Variants in BRAF observed in about 807,000 individuals in gnomAD.
BRAF encodes the protein serine/threonine-protein kinase B-raf.
Under a neutral mutation model 104.6 loss-of-function variants are expected in BRAF, and 16 were observed. The ratio of observed to expected loss-of-function variants is 0.15; its 90% CI spans 0.10 to 0.23. BRAF has a LOEUF of 0.23. BRAF is among the 10% of genes least tolerant of loss of function. BRAF has a pLI of 1.00. For missense variants in BRAF, 541 were observed against 937.3 expected (o/e 0.58, Z 5.52); for synonymous variants, 310 against 341.6 (o/e 0.91, Z 1.02).
At chr7:140,739,220 C>T (rs1046142157) in intron 18 of BRAF, among the ~76,000 whole-genome samples, 2 of 151,960 alleles carry the variant, frequency 1.3e-5, no homozygotes, top group Non-Finnish European at 2.9e-5. Flanking sequence ...ATATCATTTG[C>T]CTTTTTTACT....
intron 1 of BRAF, among the ~76,000 whole-genome samples, chr7:140,880,112 C>A (rs1167740070): frequency 6.6e-6 from 1 of 152,148 alleles, no homozygotes; most frequent in Non-Finnish European, 1.5e-5. Flanking sequence ...CTGAACCAGG[C>A]AATATGGTCT....
intron 17 of BRAF, among the ~76,000 whole-genome samples, chr7:140,743,026 T>C (rs2130917888): frequency 6.6e-6 from 1 of 152,158 alleles, no homozygotes; most frequent in East Asian, 1.9e-4. Context: ...TAACGACATA[T>C]CATCTCACAC....
chr7:140,739,766 A>T (rs376554544), intron 18 of BRAF, 46 bp downstream of exon 17: 1 of 1,608,720 alleles, frequency 6.2e-7, no homozygotes, highest in South Asian at 1.1e-5. Flanking sequence ...AAATCTGTCT[A>T]TGAATGTTAG....
intron 17 of BRAF, chr7:140,740,445 G>C (rs1184630157): frequency 6.6e-6 from 1 of 152,668 alleles, no homozygotes. Context: ...ATACAAACCA[G>C]AGCCTCCGCC....
chr7:140,729,937 A>C (rs916545968), intron 19 of BRAF, among the ~76,000 whole-genome samples: 1 of 152,200 alleles, frequency 6.6e-6, no homozygotes. Context: ...AGCAAACACT[A>C]TCACTCTATC....
In BRAF at chr7:140,774,552, C is replaced by T. The variant is rs548569224; in HGVS notation, c.1814+2360G>A. 1.2e-4 allele frequency among the ~76,000 whole-genome samples: 19 copies of T among 152,302 alleles called. No individual in the cohort carries two copies. The South Asian group carries it at 3.9e-3, about 32-fold the overall frequency. On this transcript the variant is annotated intron_variant, in intron 14 of 19. Transcript: ENST00000644969. The stretch of plus-strand genomic sequence containing the variant: ...GTTTGTTTTGGGACAGGGTCTCGCT[C>T]TGTTACCCAGGCTGGATGCAGTGGC...
intron 1 of BRAF, among the ~76,000 whole-genome samples, chr7:140,866,397 T>C (rs773444646): frequency 9.2e-5 from 14 of 152,206 alleles, no homozygotes; most frequent in Non-Finnish European, 2.1e-4. Context: ...TGGGAAACAC[T>C]GTCACAAATA....
chr7:140,729,742 C>G (rs1478527084), intron 19 of BRAF, among the ~76,000 whole-genome samples: 2 of 152,164 alleles, frequency 1.3e-5, no homozygotes, highest in Non-Finnish European at 2.9e-5. Context: ...CACACCACTG[C>G]ACTCCAGCCT....
chr7:140,868,804 T>C (rs1586470462), intron 1 of BRAF, among the ~76,000 whole-genome samples: 1 of 152,200 alleles, frequency 6.6e-6, no homozygotes, highest in Admixed American at 6.6e-5. Context: ...CTGGCTGCTA[T>C]ACTGGAAATG....
At chr7:140,827,652 T>G (rs1246875492) in intron 3 of BRAF, among the ~76,000 whole-genome samples, 1 of 152,242 alleles carries the variant, frequency 6.6e-6, no homozygotes, top group Non-Finnish European at 1.5e-5. Context: ...GAAGGCCCAG[T>G]GTTGTATTCC....
intron 14 of BRAF, among the ~76,000 whole-genome samples, chr7:140,767,023 A>T (rs1174097952): frequency 6.6e-6 from 1 of 151,966 alleles, no homozygotes; most frequent in Non-Finnish European, 1.5e-5. Flanking sequence ...CTTATTTTTG[A>T]GACAGAGTCT....
chr7:140,778,831 A>G (rs904176742), intron 12 of BRAF, among the ~76,000 whole-genome samples: 9 of 152,118 alleles, frequency 5.9e-5, no homozygotes, highest in Non-Finnish European at 1.0e-4. Context: ...TGTTGGCAGC[A>G]TTACTAAAAC....
chr7:140,766,841 C>T (rs1480816961), intron 14 of BRAF, among the ~76,000 whole-genome samples: 2 of 152,052 alleles, frequency 1.3e-5, no homozygotes, highest in Admixed American at 6.6e-5. Flanking sequence ...TGAGCCACCA[C>T]ACCTGCCCTA....
intron 3 of BRAF, among the ~76,000 whole-genome samples, chr7:140,814,764 T>TTATATATAACATATATATTATATATAACA (rs1554405609): frequency 1.4e-5 from 2 of 141,754 alleles, no homozygotes; most frequent in African/African-American, 5.4e-5. Context: ...AACATATATA[T>TTATATATAACATATATATTATATATAACA]TATATATAAC....
At chr7:140,906,087 C>CAAAAAAGAAAA (rs1816283341) in intron 1 of BRAF, among the ~76,000 whole-genome samples, 1 of 44,714 alleles carries the variant, frequency 2.2e-5, no homozygotes, top group Non-Finnish European at 4.2e-5. Flanking sequence ...GACTCCGTCT[C>CAAAAAAGAAAA]AAAAAAAAAA....
At chr7:140,800,744 A>G (rs1026172919) in intron 6 of BRAF, among the ~76,000 whole-genome samples, 1 of 152,164 alleles carries the variant, frequency 6.6e-6, no homozygotes, top group African/African-American at 2.4e-5. Context: ...TTTATGGTTA[A>G]AGAATGAGAA....
chr7:140,874,921 G>T (rs1359659793), intron 1 of BRAF, among the ~76,000 whole-genome samples: 1 of 152,088 alleles, frequency 6.6e-6, no homozygotes, highest in Non-Finnish European at 1.5e-5. Flanking sequence ...AAAAGTATGT[G>T]GCACCCTCCC....
intron 2 of BRAF, among the ~76,000 whole-genome samples, chr7:140,841,102 G>C (rs1239494878): frequency 6.6e-6 from 1 of 151,978 alleles, no homozygotes; most frequent in Non-Finnish European, 1.5e-5. Context: ...CTCCAAAGAA[G>C]ATATACAAAT....
chr7:140,892,715 C>T (rs533203313), intron 1 of BRAF, among the ~76,000 whole-genome samples: 10 of 152,248 alleles, frequency 6.6e-5, no homozygotes, highest in African/African-American at 2.2e-4. Context: ...TGACATTTTA[C>T]GAGTTTTTAT....
Sources: allele counts gnomAD v4.1 joint callset (sites outside exome capture counted in the v4.1 genomes callset), GRCh38; gene constraint gnomAD v4.1.1; transcripts MANE v1.5; gene names NCBI Gene and HGNC (gene_info 2026-07-23, HGNC 2026-07-21).